UMODL1: variants seen among roughly 807,000 people sequenced by gnomAD.
UMODL1 encodes uromodulin like 1, also known as uromodulin-like 1.
A neutral mutation model predicts 136.3 loss-of-function variants in UMODL1; 128 were observed. That is an observed-to-expected ratio of 0.94 (90% CI 0.81 to 1.09). The LOEUF (loss-of-function observed/expected upper bound fraction) is 1.09, where lower values mean the gene tolerates loss of function less well. Among genes scored for constraint, UMODL1 ranks in the 50% least tolerant of loss-of-function variants. The pLI, the probability that UMODL1 is intolerant of heterozygous loss-of-function variation, is 0.00. For synonymous variants in UMODL1, 721 were observed against 720.0 expected (o/e 1.00, Z -0.02); for missense variants, 1,766 against 1,725.6 (o/e 1.02, Z -0.41).
chr21:42,139,826 C>T (rs779815904), intron 22 of UMODL1, among the ~76,000 whole-genome samples: 2 of 152,168 alleles, frequency 1.3e-5, no homozygotes, highest in African/African-American at 2.4e-5. Context: ...CCTGAGACCC[C>T]AGAATACTGC....
intron 12 of UMODL1, chr21:42,112,988 G>GT (rs1325392049): frequency 6.5e-6 from 1 of 152,798 alleles, no homozygotes; most frequent in Non-Finnish European, 1.5e-5. Context: ...GATCTCAGCC[G>GT]TGACAGCCCT....
intron 1 of UMODL1, among the ~76,000 whole-genome samples, chr21:42,075,322 G>T (rs1181156319): frequency 6.6e-6 from 1 of 152,092 alleles, no homozygotes; most frequent in African/African-American, 2.4e-5. Flanking sequence ...GCCTCCCAAA[G>T]TGCTGGGATT....
At chr21:42,135,648 T>C (rs1008255429) in intron 21 of UMODL1, among the ~76,000 whole-genome samples, 1 of 152,128 alleles carries the variant, frequency 6.6e-6, no homozygotes, top group Non-Finnish European at 1.5e-5. Flanking sequence ...GGGGGCTGGA[T>C]TTAGTGTCCA....
rs968661621 is a variant in UMODL1, at chr21:42,075,996, C to T, written c.77-9C>T. The T allele has an allele frequency of 6.2e-7, 1 of 1,612,456 alleles. No individual in the cohort carries two copies. Among genetic ancestry groups the T allele is most frequent in the East Asian group, 2.2e-5 (1 of 44,834 alleles). ...GTTCTCAGTCGCCTTCTTGCTTGGC[C>T]TCTTTCAGAAAAAGGCCTCTCCCTG... On this transcript the variant is annotated splice_polypyrimidine_tract_variant and intron_variant, in intron 1 of 22. Coordinates refer to ENST00000408910, the MANE Select transcript of UMODL1 (RefSeq NM_001004416.3).
intron 22 of UMODL1, among the ~76,000 whole-genome samples, chr21:42,139,329 TC>T (rs1016670057): frequency 1.4e-4 from 22 of 152,190 alleles, no homozygotes; most frequent in African/African-American, 5.3e-4. Context: ...AGGCACGTCT[TC>T]CATGGCTGGA....
intron 7 of UMODL1, chr21:42,101,683 G>A (rs755996244): frequency 2.2e-6 from 1 of 454,612 alleles, no homozygotes; most frequent in South Asian, 1.6e-5. Context: ...TTGTAAGTAA[G>A]CAACCCTACC....
chr21:42,088,209 C>A, intron 4 of UMODL1, 85 bp from the exon 5 acceptor site: 2 of 1,445,528 alleles, frequency 1.4e-6, no homozygotes, highest in African/African-American at 1.4e-5. Context: ...GTGGACAGTT[C>A]ATTTCAGCTC....
chr21:42,075,853 G>A, intron 1 of UMODL1, 152 bp from the exon 2 acceptor site: 2 of 1,115,536 alleles, frequency 1.8e-6, no homozygotes, highest in Non-Finnish European at 2.6e-6. Flanking sequence ...GCAAAGGCCA[G>A]TGGAGAGGGC....
intron 4 of UMODL1, among the ~76,000 whole-genome samples, chr21:42,087,899 C>T (rs888660608): frequency 2.0e-5 from 3 of 152,214 alleles, no homozygotes; most frequent in African/African-American, 7.2e-5. Flanking sequence ...CACTGTCTTC[C>T]CCCATTCATG....
chr21:42,082,680 C>T (rs1015684409), intron 2 of UMODL1, among the ~76,000 whole-genome samples: 1 of 152,162 alleles, frequency 6.6e-6, no homozygotes, highest in East Asian at 1.9e-4. Flanking sequence ...AGCTTCCTTC[C>T]GTCCTGGGAG....
chr21:42,072,533 AC>A (rs1204266944), intron 1 of UMODL1, among the ~76,000 whole-genome samples: 1 of 152,002 alleles, frequency 6.6e-6, no homozygotes, highest in Non-Finnish European at 1.5e-5. Context: ...TGTTTCCAGA[AC>A]CCCTCATTGT....
rs1309273536 is a variant in UMODL1 at position 42,085,415 on chromosome 21, A to G, written c.603+3A>G. 7 of 1,613,650 alleles carry G rather than the reference A, an allele frequency of 4.3e-6. No homozygotes were observed. Among genetic ancestry groups the G allele is most frequent in the African/African-American group, 4.0e-5 (3 of 74,922 alleles). ...ACATGCGCCTTCTGCATTCCTTGGTAGGTGAGACAGACGGGGGCTGCCTGC... is the reference window on the plus strand; with the variant it reads ...ACATGCGCCTTCTGCATTCCTTGGTGGGTGAGACAGACGGGGGCTGCCTGC... On this transcript the variant is annotated splice_donor_region_variant and intron_variant, in intron 4 of 22. Coordinates refer to ENST00000408910, the MANE Select transcript of UMODL1 (RefSeq NM_001004416.3). The surrounding 1 kb of genome is among the most constrained non-coding windows in gnomAD (Gnocchi z 4.5).
chr21:42,084,114 G>A lies in UMODL1; in HGVS notation c.350G>A (p.Arg117Lys). The stretch of plus-strand genomic sequence containing the variant: ...AATCAGTCCGGGCAGTTCACGTCAA[G>A]ACCTGGGGCCTGCCCCGCAGAGGGG... ...PLNQSGQFTSRPGACPAEGPE... is the reference protein window; with the variant it reads ...PLNQSGQFTSKPGACPAEGPE... Residue 117 changes from arginine (R) to lysine (K), a missense_variant, in exon 3 of 23, where the codon AGA becomes AAA. Physicochemically the swap from Arg to Lys is conservative, Grantham distance 26 (BLOSUM62 2). Coordinates refer to ENST00000408910, the MANE Select transcript of UMODL1 (RefSeq NM_001004416.3). 1.2e-6 allele frequency: 2 copies of A among 1,614,156 alleles called. No homozygotes were observed. The highest frequency in any genetic ancestry group is 1.7e-6 in the Non-Finnish European group (2 of 1,180,004).
At chr21:42,088,261 C>T (rs1471978670) in intron 4 of UMODL1, 33 bp from the exon 5 acceptor site, 1 of 1,596,932 alleles carries the variant, frequency 6.3e-7, no homozygotes, top group Non-Finnish European at 8.6e-7. Flanking sequence ...GGGTGTCCTT[C>T]TGCTGTGTGA....
Position 42,093,893 on chromosome 21 carries a change from A to G in UMODL1, c.931+3455A>G, listed in dbSNP as rs1164382363. 4 of 456,646 alleles carry G rather than the reference A, an allele frequency of 8.8e-6. No individual in the cohort carries two copies. In the Admixed American group the frequency reaches 9.4e-5, roughly 11 times the overall value. 28.3% of individuals were successfully genotyped at this position (456,646 alleles called of 1,614,324 possible). A position where few individuals can be genotyped will look rare whatever the true frequency, so the allele number is the denominator to read the frequency against. On this transcript the variant is annotated intron_variant, in intron 6 of 22. Transcript: ENST00000408910. ...CAGCACGTGGCCTTGAGATCCACTT[A>G]GAACTTCGCGCCACGTCCACATCCC...
At chr21:42,104,486 G>A (rs2066687041) in intron 9 of UMODL1, among the ~76,000 whole-genome samples, 1 of 146,102 alleles carries the variant, frequency 6.8e-6, no homozygotes, top group African/African-American at 2.6e-5. Flanking sequence ...TTTCGCTCTT[G>A]TTGCCCAGGC....
intron 6 of UMODL1, among the ~76,000 whole-genome samples, chr21:42,096,688 G>T (rs935124494): frequency 6.6e-6 from 1 of 152,200 alleles, no homozygotes; most frequent in African/African-American, 2.4e-5. Flanking sequence ...AGGAGGCAAG[G>T]TTGGAGCCCT....
At chr21:42,110,096 A>T (rs965735085) in intron 10 of UMODL1, among the ~76,000 whole-genome samples, 7 of 152,146 alleles carry the variant, frequency 4.6e-5, no homozygotes, top group Non-Finnish European at 1.0e-4. Context: ...CTGGAGCCCG[A>T]GACAGTGTGG....
At chr21:42,126,976 A>G in intron 18 of UMODL1, 30 bp from the exon 19 acceptor site, 1 of 1,581,788 alleles carries the variant, frequency 6.3e-7, no homozygotes, top group Non-Finnish European at 8.7e-7. Context: ...CTCCTGAAAC[A>G]TGCCTCCTGC....
Sources: gnomAD v4.1 joint callset for allele counts (sites outside exome capture counted in the v4.1 genomes callset) on GRCh38, gnomAD v4.1.1 for gene constraint, Gnocchi (gnomAD v3.1) non-coding constraint, MANE v1.5 for transcripts, NCBI Gene and HGNC (gene_info 2026-07-23, HGNC 2026-07-21) for gene names.